The following SP140 variants were observed in gnomAD, a reference collection of about 807,000 sequenced individuals.
The protein encoded by SP140 is nuclear body protein SP140.
A neutral mutation model predicts 125.0 loss-of-function variants in SP140; 81 were observed. The observed-to-expected ratio is 0.65, with a 90% CI of 0.54 to 0.78. The LOEUF (loss-of-function observed/expected upper bound fraction) is 0.78. Among genes scored for constraint, SP140 ranks in the 30% least tolerant of loss-of-function variants. The pLI is 0.00. For synonymous variants in SP140, 312 were observed against 354.0 expected (o/e 0.88, Z 1.33); for missense variants, 858 against 1,037.0 (o/e 0.83, Z 2.37).
At chr2:230,196,583 G>C in the SP140 span, among the ~76,000 whole-genome samples, 1 of 151,290 alleles carries the variant, frequency 6.6e-6, no homozygotes, top group Non-Finnish European at 1.5e-5. Flanking sequence ...GGGTACATGT[G>C]CACAATGTGC....
chr2:230,222,515 T>A (rs2045905036), upstream of SP140, among the ~76,000 whole-genome samples: 1 of 152,122 alleles, frequency 6.6e-6, no homozygotes. Flanking sequence ...GCCCAGGTGT[T>A]TGAGACCAGC....
rs1432631878 is a variant in SP140 at position 230,312,523 on chromosome 2, T to C, written c.2506-63T>C. ...AGACAAGAGTCCTGATCATTCTCAGTTGAAAGGTGTCTCATGACGCTAATG... is the reference window on the plus strand; with the variant it reads ...AGACAAGAGTCCTGATCATTCTCAGCTGAAAGGTGTCTCATGACGCTAATG... On this transcript the variant is annotated intron_variant, in intron 26 of 26. Coordinates refer to ENST00000392045, the MANE Select transcript of SP140 (RefSeq NM_007237.5). The C allele has an allele frequency of 9.2e-6, 10 of 1,087,110 alleles. No homozygotes were observed. In the East Asian group the frequency reaches 2.4e-4, roughly 26 times the overall value. 67.3% of individuals were successfully genotyped at this position (1,087,110 alleles called of 1,614,324 possible). A position where few individuals can be genotyped will look rare whatever the true frequency, so the allele number is the denominator to read the frequency against.
Position 230,310,014 on chromosome 2 carries a change from CA to C in SP140, c.2150del (p.His717ProfsTer19), listed in dbSNP as rs1424790179. On this transcript the variant is annotated frameshift_variant, in exon 23 of 27. Transcript: ENST00000392045. LOFTEE classifies it high-confidence loss of function. Reference protein sequence around the residue: ...TCSRVFHEDCHIPPVEAERTP... With the variant: ...TCSRVFHEDCXIPPVEAERTP... ...TTCAAGAGTCTTCCATGAGGACTGT[CA>C]CATCCCGCCTGTGGAAGCTGAGAGG... 1.9e-6 allele frequency: 3 copies of C among 1,614,066 alleles called. No individual in the cohort carries two copies. Among genetic ancestry groups the C allele is most frequent in the Non-Finnish European group, 2.5e-6 (3 of 1,180,024 alleles).
At position 230,285,847 on chromosome 2, in the gene SP140, G is replaced by A. The variant is rs771283596; in HGVS notation, c.1645+15G>A. On this transcript the variant is annotated intron_variant, in intron 17 of 26. Transcript: ENST00000392045. Reference sequence around the variant, plus strand: ...CAAGATTAGGGGTAAGATAAAGTTTGTCCGCTTTCCCTTTGCCCTACAGGT... The same window carrying A: ...CAAGATTAGGGGTAAGATAAAGTTTATCCGCTTTCCCTTTGCCCTACAGGT... 6.3e-7 allele frequency: 1 copy of A among 1,595,088 alleles called. No homozygotes were observed. Among genetic ancestry groups the A allele is most frequent in the South Asian group, 1.1e-5 (1 of 90,662 alleles).
chr2:230,304,774 A>G (rs910475126), intron 22 of SP140, among the ~76,000 whole-genome samples: 1 of 152,254 alleles, frequency 6.6e-6, no homozygotes, highest in Admixed American at 6.5e-5. Context: ...TGGATCAAAG[A>G]CTTAAATCTA....
At position 230,253,394 on chromosome 2, in the gene SP140, G is replaced by A. The variant is rs139461851; in HGVS notation, c.1136G>A (p.Ser379Asn). ...TNEGEPEKEL[S>N]LLPGEGEEGS... ...GAAGGAGAACCAGAGAAGGAGCTCA[G>A]TCTACTACCAGGTGAAGGAGAAGGT... Residue 379 changes from serine (S) to asparagine (N), a missense_variant, in exon 11 of 27, where the codon AGT becomes AAT. Coordinates refer to ENST00000392045, the MANE Select transcript of SP140 (RefSeq NM_007237.5). The A allele has an allele frequency of 7.8e-5, 125 of 1,607,160 alleles. 1 individual carries two copies. In the African/African-American group the frequency reaches 1.3e-3, roughly 16 times the overall value.
rs570852036 is a variant in SP140 at position 230,225,771 on chromosome 2, G to A, written c.-74G>A. ...TTGACTGAGCACCGAGGGGCAGTTG[G>A]CAGCTTCACCTCAGAGCTGCAGGAA... On this transcript the variant is annotated 5_prime_UTR_variant, in exon 1 of 27. Coordinates refer to ENST00000392045, the MANE Select transcript of SP140 (RefSeq NM_007237.5). 7.1e-6 allele frequency: 9 copies of A among 1,268,840 alleles called. No individual in the cohort carries two copies. In the South Asian group the frequency reaches 9.5e-5, roughly 13 times the overall value. 78.6% of individuals were successfully genotyped at this position (1,268,840 alleles called of 1,614,324 possible). A position where few individuals can be genotyped will look rare whatever the true frequency, so the allele number is the denominator to read the frequency against.
In SP140 at chr2:230,312,784, T is replaced by G; in HGVS notation, c.*100T>G. 1 of 817,128 alleles carries G rather than the reference T, an allele frequency of 1.2e-6. No homozygotes were observed. Among genetic ancestry groups the G allele is most frequent in the Non-Finnish European group, 2.1e-6 (1 of 484,764 alleles). The allele number at this position is 817,128 out of a possible 1,614,324, so 50.6% of individuals were successfully genotyped here. ...AATGAGGTCACTTGGGCACAGCACA[T>G]GCAGGGAGGGGCTTTTCTCTGAGCC... On this transcript the variant is annotated 3_prime_UTR_variant, in exon 27 of 27. Transcript: ENST00000392045.
intron 21 of SP140, among the ~76,000 whole-genome samples, chr2:230,295,816 G>T (rs1024172635): frequency 1.3e-5 from 2 of 152,192 alleles, no homozygotes; most frequent in South Asian, 2.1e-4. Flanking sequence ...AATAATTGTT[G>T]TATGCTAATG....
At chr2:230,191,583 G>A in the SP140 span, among the ~76,000 whole-genome samples, 1 of 152,130 alleles carries the variant, frequency 6.6e-6, no homozygotes, top group African/African-American at 2.4e-5. Context: ...ACTAAACCAG[G>A]AAGAAGTTGA....
At chr2:230,189,910 A>G in the SP140 span, among the ~76,000 whole-genome samples, 1 of 152,312 alleles carries the variant, frequency 6.6e-6, no homozygotes. Context: ...TCCATGATGT[A>G]TATGTACCAC....
intron 1 of SP140, among the ~76,000 whole-genome samples, chr2:230,226,553 A>T (rs2046390572): frequency 1.3e-5 from 2 of 152,200 alleles, no homozygotes; most frequent in African/African-American, 4.8e-5. Flanking sequence ...TAAAAAATGT[A>T]AGACAATGAG....
At chr2:230,204,085 C>A (rs186926773) in intron 1 of SP140, among the ~76,000 whole-genome samples, 6 of 152,064 alleles carry the variant, frequency 3.9e-5, no homozygotes, top group Non-Finnish European at 7.4e-5. Context: ...TAAAATAAAA[C>A]GATTCTTTTA....
chr2:230,206,299 G>A (rs1232027012), intron 1 of SP140, among the ~76,000 whole-genome samples: 1 of 151,842 alleles, frequency 6.6e-6, no homozygotes, highest in African/African-American at 2.4e-5. Context: ...ATTTTCCAGT[G>A]ATTCTTTGTG....
intron 16 of SP140, 103 bp from the exon 17 acceptor site, chr2:230,285,649 G>T (rs2149445073): frequency 1.1e-6 from 1 of 936,824 alleles, no homozygotes; most frequent in South Asian, 1.4e-5. Context: ...TGCTCGAGGG[G>T]ATCCAGAATG....
At chr2:230,270,275 A>G (rs1334523233) in intron 14 of SP140, among the ~76,000 whole-genome samples, 1 of 152,160 alleles carries the variant, frequency 6.6e-6, no homozygotes, top group African/African-American at 2.4e-5. Flanking sequence ...GCTGGTAGAT[A>G]ATAGTGTCAC....
intron 22 of SP140, among the ~76,000 whole-genome samples, chr2:230,305,189 C>A (rs937735545): frequency 2.6e-5 from 4 of 152,206 alleles, no homozygotes; most frequent in Non-Finnish European, 5.9e-5. Flanking sequence ...AAATGCAAAT[C>A]AAAACCGCAA....
At chr2:230,251,110 T>G in intron 10 of SP140, 49 bp downstream of exon 10, 713 of 1,488,520 alleles carry the variant, frequency 4.8e-4, no homozygotes, top group Non-Finnish European at 6.2e-4. Context: ...TGTCAGGAGG[T>G]TGAATTTGGA....
At chr2:230,218,676 G>C (rs772298663) in intron 3 of SP140, among the ~76,000 whole-genome samples, 14 of 152,188 alleles carry the variant, frequency 9.2e-5, no homozygotes, top group Non-Finnish European at 1.6e-4. Context: ...GAGAGGTTTA[G>C]TAACTCACCC....
Sources: gnomAD v4.1 joint callset for allele counts (sites outside exome capture counted in the v4.1 genomes callset) on GRCh38, gnomAD v4.1.1 for gene constraint, MANE v1.5 for transcripts, NCBI Gene and HGNC (gene_info 2026-07-23, HGNC 2026-07-21) for gene names.